Variants in IL16 observed in about 807,000 individuals in gnomAD.
The protein encoded by IL16 is interleukin 16.
In IL16, 67 loss-of-function variants were observed where a neutral mutation model predicts 110.1. That is an observed-to-expected ratio of 0.61 (90% confidence interval 0.50 to 0.75). IL16 has a LOEUF of 0.75. Ranked by LOEUF, IL16 falls within the 30% of genes least tolerant of loss-of-function variation. The probability of loss-of-function intolerance (pLI) is 0.00; values close to 1 mark genes in which losing one functional copy is unlikely to be tolerated. For missense variants in IL16, 1,545 were observed against 1,655.0 expected, an observed-to-expected ratio of 0.93 and a Z score of 1.15; for synonymous variants, 689 against 662.9, an observed-to-expected ratio of 1.04 and a Z score of -0.61.
chr15:81,271,570 C>T (rs527347617), intron 5 of IL16, among the ~76,000 whole-genome samples: 1 of 152,258 alleles, frequency 6.6e-6, no homozygotes, highest in South Asian at 2.1e-4. Flanking sequence ...TAGTGAGGAG[C>T]CGAACCAAGG....
chr15:81,294,886 T>C (rs1021249971), intron 12 of IL16, among the ~76,000 whole-genome samples: 4 of 152,318 alleles, frequency 2.6e-5, no homozygotes, highest in East Asian at 1.9e-4. Context: ...TTTTCTTCCG[T>C]GGCCACAGTG....
At chr15:81,302,234 A>G (rs1900323759) in intron 15 of IL16, 1 of 152,232 alleles carries the variant, frequency 6.6e-6, no homozygotes, top group Non-Finnish European at 1.5e-5. Context: ...TGCAATTTCC[A>G]CATCAAGAGT....
At position 81,225,640 on chromosome 15, in the gene IL16, TC is replaced by T; in HGVS notation, c.242del (p.Ser81TrpfsTer23). ...PSSVPDLALA[S>X]EAAQLQAAGN... is the part of the protein sequence containing the mutation. ...CAGTGTTCCTGATCTAGCACTGGCC[TC>T]GGAGGCTGCTCAACTCCAAGCAGCT... On this transcript the variant is annotated frameshift_variant, in exon 2 of 19. Coordinates refer to ENST00000683961, the MANE Select transcript of IL16 (RefSeq NM_172217.5). LOFTEE classifies it high-confidence loss of function. The T allele has an allele frequency of 6.2e-7, 1 of 1,614,054 alleles. No individual in the cohort carries two copies. Among genetic ancestry groups the T allele is most frequent in the Non-Finnish European group, 8.5e-7 (1 of 1,179,978 alleles).
At chr15:81,215,546 C>T (rs2142003942) in intron 1 of IL16, among the ~76,000 whole-genome samples, 1 of 152,322 alleles carries the variant, frequency 6.6e-6, no homozygotes, top group South Asian at 2.1e-4. Flanking sequence ...ATGGCCCCTT[C>T]ACCAGGTCTG....
intron 1 of IL16, among the ~76,000 whole-genome samples, chr15:81,214,059 G>A (rs1401629960): frequency 6.6e-6 from 1 of 151,998 alleles, no homozygotes; most frequent in East Asian, 1.9e-4. Flanking sequence ...TTTTGTGGCA[G>A]TAGGTATTGT....
chr15:81,245,723 G>GTTTTTT (rs1897517097), intron 2 of IL16, among the ~76,000 whole-genome samples: 20 of 78,656 alleles, frequency 2.5e-4, no homozygotes, highest in Non-Finnish European at 3.4e-4. Context: ...TTTTGTTTTG[G>GTTTTTT]CTTTTTTTTT....
intron 1 of IL16, among the ~76,000 whole-genome samples, chr15:81,202,516 C>T (rs556491532): frequency 4.7e-5 from 7 of 149,700 alleles, no homozygotes; most frequent in African/African-American, 1.7e-4. Context: ...TGATGTTCCC[C>T]TTCCTGTGTC....
chr15:81,207,527 C>G (rs1050398451), intron 1 of IL16, among the ~76,000 whole-genome samples: 3 of 151,658 alleles, frequency 2.0e-5, no homozygotes, highest in Admixed American at 6.6e-5. Flanking sequence ...TCCCACCCAC[C>G]CCCTCTAGTA....
At chr15:81,238,727 C>T (rs1897253634) in intron 2 of IL16, among the ~76,000 whole-genome samples, 1 of 151,456 alleles carries the variant, frequency 6.6e-6, no homozygotes, top group Non-Finnish European at 1.5e-5. Context: ...CTTCTTCTTT[C>T]CTTTCCAAAG....
chr15:81,302,934 C>A (rs569020109), intron 15 of IL16, among the ~76,000 whole-genome samples: 4 of 152,166 alleles, frequency 2.6e-5, no homozygotes, highest in Non-Finnish European at 5.9e-5. Flanking sequence ...TTTGAGACCC[C>A]TGCTCTAGAC....
upstream of IL16, among the ~76,000 whole-genome samples, chr15:81,193,740 G>A (rs143579060): frequency 6.9e-4 from 105 of 152,224 alleles, no homozygotes; most frequent in African/African-American, 2.3e-3. Context: ...AGCCTTGGAC[G>A]TGCACTTTTT....
At chr15:81,241,086 T>C (rs959712536) in intron 2 of IL16, among the ~76,000 whole-genome samples, 5 of 152,122 alleles carry the variant, frequency 3.3e-5, no homozygotes, top group African/African-American at 9.6e-5. Context: ...AGTATTAGTT[T>C]TGTCAGAATT....
intron 2 of IL16, among the ~76,000 whole-genome samples, chr15:81,231,777 T>G (rs1896996988): frequency 6.6e-6 from 1 of 152,206 alleles, no homozygotes; most frequent in African/African-American, 2.4e-5. Context: ...TTTTTGTATA[T>G]GTTGTGAGTT....
At chr15:81,251,000 C>T (rs551539269) in intron 2 of IL16, among the ~76,000 whole-genome samples, 21 of 152,270 alleles carry the variant, frequency 1.4e-4, no homozygotes, top group Admixed American at 2.6e-4. Context: ...AGTTCAAGTT[C>T]AACCAGTTCA....
rs1457494225 is a variant in IL16 at position 81,310,965 on chromosome 15, C to T, written c.*2167C>T. On this transcript the variant is annotated 3_prime_UTR_variant, in exon 19 of 19. Transcript: ENST00000683961. ...CCTGTTTTAGAAGGTTCTCTCCTCC[C>T]CAAGGAGACACAACAACTCCTAGGG... The T allele has an allele frequency of 6.6e-6, 1 of 152,248 alleles. No individual in the cohort carries two copies. Among genetic ancestry groups the T allele is most frequent in the African/African-American group, 2.4e-5 (1 of 41,436 alleles). The allele number at this position is 152,248 out of a possible 1,614,324, so 9.4% of individuals were successfully genotyped here.
At chr15:81,271,995 G>T (rs1212639632) in intron 5 of IL16, among the ~76,000 whole-genome samples, 2 of 152,228 alleles carry the variant, frequency 1.3e-5, no homozygotes, top group African/African-American at 2.4e-5. Flanking sequence ...ACTTTAAAGG[G>T]TCTGTCTAGG....
At chr15:81,285,473 T>C (rs895541774) in intron 9 of IL16, among the ~76,000 whole-genome samples, 2 of 152,178 alleles carry the variant, frequency 1.3e-5, no homozygotes, top group African/African-American at 4.8e-5. Flanking sequence ...CCACTGTAAA[T>C]AGGAAATGTC....
At chr15:81,307,302 T>C (rs577762960) in intron 18 of IL16, among the ~76,000 whole-genome samples, 2 of 152,294 alleles carry the variant, frequency 1.3e-5, no homozygotes, top group East Asian at 3.9e-4. Flanking sequence ...TGAGTGACCC[T>C]TCCCTTCTGG....
chr15:81,306,780 T>A, intron 18 of IL16: 1 of 552,582 alleles, frequency 1.8e-6, no homozygotes, highest in South Asian at 1.9e-5. Context: ...ACCTAAGTCC[T>A]GGGCTTGGTT....
Sources: allele counts gnomAD v4.1 joint callset (sites outside exome capture counted in the v4.1 genomes callset), GRCh38; gene constraint gnomAD v4.1.1; transcripts MANE v1.5; gene names NCBI Gene and HGNC (gene_info 2026-07-23, HGNC 2026-07-21).